GALNTL6: variants seen among roughly 807,000 people sequenced by gnomAD.
GALNTL6 encodes the protein polypeptide N-acetylgalactosaminyltransferase like 6, also known as polypeptide N-acetylgalactosaminyltransferase-like 6.
In GALNTL6, 46 loss-of-function variants were observed where a neutral mutation model predicts 73.7. The observed-to-expected ratio is 0.62, with a 90% CI of 0.49 to 0.80. GALNTL6 has a LOEUF of 0.80. Among genes scored for constraint, GALNTL6 ranks in the 30% least tolerant of loss-of-function variants. The pLI is 0.00. For synonymous variants in GALNTL6, 259 were observed against 263.7 expected, an observed-to-expected ratio of 0.98 and a Z score of 0.17; for missense variants, 604 against 755.0, an observed-to-expected ratio of 0.80 and a Z score of 2.34.
intron 2 of GALNTL6, among the ~76,000 whole-genome samples, chr4:171,979,648 T>C (rs946207157): frequency 9.9e-5 from 15 of 152,152 alleles, no homozygotes; most frequent in Admixed American, 9.8e-4. Context: ...TTGCCAAGGT[T>C]CATGGTGTCT....
intron 2 of GALNTL6, among the ~76,000 whole-genome samples, chr4:172,016,727 A>G (rs2110791598): frequency 6.6e-6 from 1 of 150,790 alleles, no homozygotes; most frequent in Non-Finnish European, 1.5e-5. Context: ...TTTTTAATTT[A>G]TTTTTTATTG....
intron 2 of GALNTL6, among the ~76,000 whole-genome samples, chr4:171,988,691 G>T (rs1412528969): frequency 2.6e-5 from 4 of 152,302 alleles, no homozygotes; most frequent in Admixed American, 2.6e-4. Flanking sequence ...GGTAAGGAGA[G>T]TGTATAGGCT....
Position 172,797,283 on chromosome 4 carries a change from T to C in GALNTL6, c.554-12078T>C, listed in dbSNP as rs191488296. Among the ~76,000 whole-genome samples the C allele has an allele frequency of 5.5e-3, 844 of 152,250 alleles. 10 individuals carry two copies. The highest frequency in any genetic ancestry group is 0.019 in the African/African-American group (810 of 41,554). On this transcript the variant is annotated intron_variant, in intron 5 of 12. Coordinates refer to ENST00000506823, the MANE Select transcript of GALNTL6 (RefSeq NM_001034845.3). The stretch of plus-strand genomic sequence containing the variant: ...TTTTTTTTATTTGGAGACAGAGTCT[T>C]GCTCTGTCCCGCAGGTTGGCGCTAT...
rs1156841168 is a variant in GALNTL6 at position 172,431,419 on chromosome 4, CTT to C, written c.553+82732_553+82733del. Among the ~76,000 whole-genome samples the C allele has an allele frequency of 4.6e-5, 7 of 152,172 alleles. No individual in the cohort carries two copies. The East Asian group carries it at 1.4e-3, about 29-fold the overall frequency. ...TGATGACATTGTATTTAATAATTAT[CTT>C]TATGGTTTCACAAAATGGCTATTTA... On this transcript the variant is annotated intron_variant, in intron 5 of 12. Coordinates refer to ENST00000506823, the MANE Select transcript of GALNTL6 (RefSeq NM_001034845.3).
rs1163665084 is a variant in GALNTL6, at chr4:172,506,484, T to C, written c.553+157795T>C. ...TCAGTATATTGGTATGTTACTGCAC[T>C]ACCACATAGGAACCTGTTGGTCCTA... On this transcript the variant is annotated intron_variant, in intron 5 of 12. Transcript: ENST00000506823. Among the ~76,000 whole-genome samples the C allele has an allele frequency of 9.2e-5, 5 of 54,556 alleles. 2 individuals are homozygous for C. Among genetic ancestry groups the C allele is most frequent in the Non-Finnish European group, 2.1e-4 (5 of 23,634 alleles). The allele number at this position is 54,556 out of a possible 152,430, so 35.8% of individuals were successfully genotyped here.
chr4:172,704,708 T>C (rs1340583749), intron 5 of GALNTL6, among the ~76,000 whole-genome samples: 1 of 152,048 alleles, frequency 6.6e-6, no homozygotes, highest in Non-Finnish European at 1.5e-5. Flanking sequence ...GTTAGGTTCA[T>C]TTGGTCTAGA....
intron 8 of GALNTL6, among the ~76,000 whole-genome samples, chr4:172,887,724 T>C (rs1336723130): frequency 1.3e-5 from 2 of 151,918 alleles, no homozygotes; most frequent in Admixed American, 1.3e-4. Flanking sequence ...CCACCATGCC[T>C]GGCTAATTTT....
chr4:172,034,681 T>C (rs1481848415), intron 2 of GALNTL6, among the ~76,000 whole-genome samples: 2 of 152,086 alleles, frequency 1.3e-5, no homozygotes, highest in African/African-American at 4.8e-5. Context: ...TATATTTGTG[T>C]ACCTGCATTG....
At chr4:172,337,088 C>G (rs928804921) in intron 4 of GALNTL6, among the ~76,000 whole-genome samples, 2 of 152,082 alleles carry the variant, frequency 1.3e-5, no homozygotes, top group East Asian at 3.9e-4. Flanking sequence ...GGAATAGTGA[C>G]CCCTGCTCTT....
In GALNTL6 at chr4:172,536,070, C is replaced by T. The variant is rs551948363; in HGVS notation, c.553+187381C>T. ...TCTGATGGTTTTATAAGGAGCTTTT[C>T]TCCCGCTTCGCTCTGCACTTCTCTC... On this transcript the variant is annotated intron_variant, in intron 5 of 12. Coordinates refer to ENST00000506823, the MANE Select transcript of GALNTL6 (RefSeq NM_001034845.3). Among the ~76,000 whole-genome samples, 294 of 152,234 alleles carry T rather than the reference C, an allele frequency of 1.9e-3. 7 individuals carry two copies. The highest frequency in any genetic ancestry group is 0.019 in the Admixed American group (294 of 15,284).
intron 5 of GALNTL6, among the ~76,000 whole-genome samples, chr4:172,631,394 C>T (rs1739391634): frequency 6.6e-6 from 1 of 152,160 alleles, no homozygotes; most frequent in African/African-American, 2.4e-5. Context: ...GTCCACCTGC[C>T]TCAGCCTCCC....
chr4:172,766,832 A>C (rs1738437334), intron 5 of GALNTL6, among the ~76,000 whole-genome samples: 1 of 152,230 alleles, frequency 6.6e-6, no homozygotes, highest in Non-Finnish European at 1.5e-5. Context: ...TTACTGCAGG[A>C]GTCAACCTGC....
chr4:171,922,547 A>G (rs1344726597), intron 2 of GALNTL6, among the ~76,000 whole-genome samples: 3 of 149,916 alleles, frequency 2.0e-5, no homozygotes, highest in Non-Finnish European at 4.4e-5. Flanking sequence ...TTTTTTTTTT[A>G]CATTGCTCCT....
chr4:172,953,191 A>G (rs969236673), intron 10 of GALNTL6, among the ~76,000 whole-genome samples: 4 of 152,204 alleles, frequency 2.6e-5, no homozygotes, highest in Admixed American at 2.6e-4. Flanking sequence ...CCAGGTCCCA[A>G]ATTTAAAATA....
intron 4 of GALNTL6, among the ~76,000 whole-genome samples, chr4:172,329,380 C>T (rs1450430003): frequency 1.3e-5 from 2 of 152,122 alleles, no homozygotes; most frequent in Non-Finnish European, 2.9e-5. Context: ...ACTGTCTGGA[C>T]ATTTTTCCAT....
intron 7 of GALNTL6, among the ~76,000 whole-genome samples, chr4:172,873,588 G>A (rs773268619): frequency 3.9e-5 from 6 of 152,244 alleles, no homozygotes; most frequent in Non-Finnish European, 7.3e-5. Context: ...GGTAGAAGTA[G>A]AACACAACAA....
intron 5 of GALNTL6, among the ~76,000 whole-genome samples, chr4:172,513,343 T>C (rs906547098): frequency 3.3e-5 from 5 of 152,190 alleles, no homozygotes; most frequent in African/African-American, 1.2e-4. Flanking sequence ...TTAAAATTTC[T>C]TTATGTTGAT....
Position 172,746,073 on chromosome 4 carries a change from A to G in GALNTL6, c.554-63288A>G, listed in dbSNP as rs113814053. On this transcript the variant is annotated intron_variant, in intron 5 of 12. Coordinates refer to ENST00000506823, the MANE Select transcript of GALNTL6 (RefSeq NM_001034845.3). ...ATAATAAAATTATAATGATAATAAT[A>G]ACATCTGCCTTATAGTATTGCTTGA... Among the ~76,000 whole-genome samples the G allele has an allele frequency of 8.9e-3, 1,348 of 152,300 alleles. 24 individuals are homozygous for G. The highest frequency in any genetic ancestry group is 0.031 in the African/African-American group (1,296 of 41,580).
chr4:172,977,550 G>C (rs957696501), intron 10 of GALNTL6, among the ~76,000 whole-genome samples: 1 of 152,152 alleles, frequency 6.6e-6, no homozygotes, highest in Non-Finnish European at 1.5e-5. Context: ...ATGCAGCATA[G>C]AGCAATTTAT....
Sources: allele counts gnomAD v4.1 joint callset (sites outside exome capture counted in the v4.1 genomes callset), GRCh38; gene constraint gnomAD v4.1.1; transcripts MANE v1.5; gene names NCBI Gene and HGNC (gene_info 2026-07-23, HGNC 2026-07-21).